PRDM15: variants seen among roughly 807,000 people sequenced by gnomAD.
The protein encoded by PRDM15 is PR domain zinc finger protein 15.
Under a neutral mutation model 128.6 loss-of-function variants are expected in PRDM15, and 64 were observed. The observed-to-expected ratio is 0.50, with a 90% CI of 0.41 to 0.61. PRDM15 has a LOEUF of 0.61. Ranked by LOEUF, PRDM15 falls within the 20% of genes least tolerant of loss-of-function variation. The pLI, the probability that PRDM15 is intolerant of heterozygous loss-of-function variation, is 0.00. For synonymous variants in PRDM15, 615 were observed against 621.8 expected (o/e 0.99, Z 0.16); for missense variants, 1,242 against 1,569.1 (o/e 0.79, Z 3.52).
intron 13 of PRDM15, 57 bp downstream of exon 13, chr21:41,825,903 A>G (rs1050717094): frequency 4.5e-6 from 6 of 1,326,280 alleles, no homozygotes; most frequent in Non-Finnish European, 6.5e-6. Flanking sequence ...TAGAGTCTTA[A>G]CTGAAGAAAA....
rs112840011 is a variant in PRDM15 at position 41,853,791 on chromosome 21, G to A, written c.538+775C>T. ...CACACACACACAGGTATGCACACGC[G>A]CGCACACACACACTGCCCCCAAATC... On this transcript the variant is annotated intron_variant, in intron 5 of 23. Coordinates refer to ENST00000398548, the MANE Select transcript of PRDM15 (RefSeq NM_001040424.3). 4.6e-5 allele frequency among the ~76,000 whole-genome samples: 7 copies of A among 152,200 alleles called. No individual in the cohort carries two copies. The East Asian group carries it at 9.7e-4, about 21-fold the overall frequency.
intron 21 of PRDM15, among the ~76,000 whole-genome samples, chr21:41,805,701 G>A (rs950368722): frequency 9.9e-5 from 15 of 151,526 alleles, no homozygotes; most frequent in East Asian, 2.0e-4. Flanking sequence ...ACTCTCTACC[G>A]TCACCACCAT....
chr21:41,826,433 T>G lies in PRDM15; in HGVS notation c.1535-379A>C, dbSNP rs565614701. Among the ~76,000 whole-genome samples the G allele has an allele frequency of 2.0e-3, 301 of 152,344 alleles. 2 individuals carry two copies. The highest frequency in any genetic ancestry group is 7.1e-3 in the African/African-American group (295 of 41,576). ...CATCTAAAGGCTCAAAGCCAAGTTA[T>G]GATTCTTATAGATAGTGAAATAGGC... On this transcript the variant is annotated intron_variant, in intron 12 of 23. Coordinates refer to ENST00000398548, the MANE Select transcript of PRDM15 (RefSeq NM_001040424.3).
In PRDM15 at chr21:41,821,613, C is replaced by T. The variant is rs1460743457; in HGVS notation, c.1896+290G>A. Among the ~76,000 whole-genome samples, 2 of 152,180 alleles carry T rather than the reference C, an allele frequency of 1.3e-5. No homozygotes were observed. Among genetic ancestry groups the T allele is most frequent in the African/African-American group, 2.4e-5 (1 of 41,448 alleles). On this transcript the variant is annotated intron_variant, in intron 15 of 23. Coordinates refer to ENST00000398548, the MANE Select transcript of PRDM15 (RefSeq NM_001040424.3). This position sits in a 1 kb window ranked among gnomAD's most constrained non-coding sequence, Gnocchi z 5.4. ...GCACAGCCACCTTCTAGGAGGCCGA[C>T]CCCCACACTTCATGTGTGTTCCTGA... is the stretch of plus-strand genomic sequence containing the variant.
intron 12 of PRDM15, among the ~76,000 whole-genome samples, chr21:41,826,554 T>C (rs780752661): frequency 1.3e-5 from 2 of 152,230 alleles, no homozygotes; most frequent in Admixed American, 6.5e-5. Context: ...TTTATGGTTT[T>C]GAGGCATATT....
intron 21 of PRDM15, among the ~76,000 whole-genome samples, chr21:41,809,770 G>A (rs1240154771): frequency 5.9e-5 from 9 of 152,066 alleles, no homozygotes; most frequent in Non-Finnish European, 1.2e-4. Flanking sequence ...CTCTGCCTGC[G>A]TCTGTACAAC....
At chr21:41,802,648 GTAAGGCTCTCA>G (rs2061446385) in intron 23 of PRDM15, 53 bp downstream of exon 23, 1 of 1,332,928 alleles carries the variant, frequency 7.5e-7, no homozygotes, top group Non-Finnish European at 1.1e-6. Context: ...TCACACACAC[GTAAGGCTCTCA>G]TGCTTAGGGA....
At chr21:41,878,931 G>C (rs2064530938) in intron 1 of PRDM15, 1 of 955,546 alleles carries the variant, frequency 1.0e-6, no homozygotes, top group East Asian at 1.2e-4. Flanking sequence ...CCGCGGGCGG[G>C]CGGGGGGCGC....
chr21:41,821,002 C>T lies in PRDM15; in HGVS notation c.2060+65G>A, dbSNP rs1041062853. The T allele has an allele frequency of 6.3e-7, 1 of 1,597,864 alleles. No individual in the cohort carries two copies. The highest frequency in any genetic ancestry group is 8.6e-7 in the Non-Finnish European group (1 of 1,166,054). ...ACAAATGGCTCCTTATAGCATGTGT[C>T]TCTTTGCAAGGAAGCATGTCCCCTC... On this transcript the variant is annotated intron_variant, in intron 16 of 23. Transcript: ENST00000398548. The surrounding 1 kb of genome is among the most constrained non-coding windows in gnomAD (Gnocchi z 5.4).
intron 4 of PRDM15, among the ~76,000 whole-genome samples, chr21:41,856,540 C>T (rs1386420306): frequency 2.0e-5 from 3 of 151,918 alleles, no homozygotes; most frequent in East Asian, 3.9e-4. Context: ...GCTTGGGGTA[C>T]GATACAGAGG....
At position 41,810,139 on chromosome 21, in the gene PRDM15, C is replaced by A. The variant is rs749378182; in HGVS notation, c.2652+15G>T. The stretch of plus-strand genomic sequence containing the variant: ...CCGCTGGCGGGGCACGGAGGGGGCA[C>A]AGCCACCAGCTCACCTCGGGGTGCT... On this transcript the variant is annotated intron_variant, in intron 21 of 23. Transcript: ENST00000398548. This position sits in a 1 kb window ranked among gnomAD's most constrained non-coding sequence, Gnocchi z 6.4. 3.8e-6 allele frequency: 6 copies of A among 1,595,274 alleles called. No homozygotes were observed. In the African/African-American group the frequency reaches 8.0e-5, roughly 21 times the overall value.
At chr21:41,878,676 G>T in intron 1 of PRDM15, 1 of 1,524,476 alleles carries the variant, frequency 6.6e-7, no homozygotes, top group African/African-American at 1.4e-5. Context: ...GGCGCAGGGG[G>T]TCTGGGAGAC....
rs1300817750 is a variant in PRDM15, at chr21:41,821,936, C to T, written c.1863G>A (p.Ser621=). The change falls in exon 15 of 24, where the codon TCG becomes TCA. Residue 621 remains serine (S), a synonymous_variant. Transcript: ENST00000398548. This position sits in a 1 kb window ranked among gnomAD's most constrained non-coding sequence, Gnocchi z 5.4. Reference sequence around the variant, plus strand: ...GCTTGCAGCTGTACTTGTGAGGCTCCGAGTCTGCGCTCTCGTCAGAATTGT... The same window carrying T: ...GCTTGCAGCTGTACTTGTGAGGCTCTGAGTCTGCGCTCTCGTCAGAATTGT... The part of the protein sequence containing the change: ...NDDNSDESAD[S]EPHKYSCKRC... 6 of 1,614,070 alleles carry T rather than the reference C, an allele frequency of 3.7e-6. No individual in the cohort carries two copies. The highest frequency in any genetic ancestry group is 2.2e-5 in the East Asian group (1 of 44,890).
intron 1 of PRDM15, among the ~76,000 whole-genome samples, chr21:41,872,606 C>A (rs952259573): frequency 2.0e-5 from 3 of 152,114 alleles, no homozygotes; most frequent in African/African-American, 7.2e-5. Flanking sequence ...GGATAGTGAT[C>A]AGATCAGGGG....
chr21:41,839,563 C>G, intron 7 of PRDM15, 60 bp downstream of exon 7: 1 of 1,494,986 alleles, frequency 6.7e-7, no homozygotes, highest in South Asian at 1.1e-5. Context: ...CCCGCCAGCC[C>G]TCGGGCGCCA....
rs74992529 is a variant in PRDM15 at position 41,868,687 on chromosome 21, T to C, written c.-9-8315A>G. Among the ~76,000 whole-genome samples, 736 of 106,650 alleles carry C rather than the reference T, an allele frequency of 6.9e-3. 10 individuals carry two copies. Among genetic ancestry groups the C allele is most frequent in the African/African-American group, 0.026 (700 of 27,342 alleles). The allele number at this position is 106,650 out of a possible 152,430, so 70.0% of individuals were successfully genotyped here. ...TGCATCTTTTGCCCATTTTCCTTTTTCTTTTTCTTTTTTTTTTTTTTTTGA... is the reference window on the plus strand; with the variant it reads ...TGCATCTTTTGCCCATTTTCCTTTTCCTTTTTCTTTTTTTTTTTTTTTTGA... On this transcript the variant is annotated intron_variant, in intron 1 of 23. Coordinates refer to ENST00000398548, the MANE Select transcript of PRDM15 (RefSeq NM_001040424.3).
Position 41,857,220 on chromosome 21 carries a change from T to G in PRDM15, c.241A>C (p.Arg81=), listed in dbSNP as rs757526761. 6.2e-7 allele frequency: 1 copy of G among 1,613,802 alleles called. No individual in the cohort carries two copies. Among genetic ancestry groups the G allele is most frequent in the Non-Finnish European group, 8.5e-7 (1 of 1,179,910 alleles). Residue 81 remains arginine, a synonymous_variant, in exon 4 of 24, where the codon AGG becomes CGG. Transcript: ENST00000398548. ...TCCTTTTCCCATTTGGCGACCCTCC[T>G]GGACTCAAAGGGACCGAACTGTGTC... ...KRTQFGPFES[R]RVAKWEKESA... is the part of the protein sequence containing the mutation.
rs2061344911 is a variant in PRDM15 at position 41,798,296 on chromosome 21, T to A, written c.*2944A>T. ...GATGTGACAGGAAATACAGCCAACATCTCCAAACAGTCTTAATGCCTTTCA... is the reference window on the plus strand; with the variant it reads ...GATGTGACAGGAAATACAGCCAACAACTCCAAACAGTCTTAATGCCTTTCA... On this transcript the variant is annotated 3_prime_UTR_variant, in exon 24 of 24. Transcript: ENST00000398548. 1 of 151,986 alleles carries A rather than the reference T, an allele frequency of 6.6e-6. No homozygotes were observed. The highest frequency in any genetic ancestry group is 2.4e-5 in the African/African-American group (1 of 41,348). The allele number at this position is 151,986 out of a possible 1,614,324, so 9.4% of individuals were successfully genotyped here.
chr21:41,879,185 G>A lies in PRDM15; in HGVS notation c.-10+85C>T. ...GGGGGCAGCGGGCCCAGGGCGCGCCGGGGCTCGCGGGGGCAGCGGGTGCGG... is the reference window on the plus strand; with the variant it reads ...GGGGGCAGCGGGCCCAGGGCGCGCCAGGGCTCGCGGGGGCAGCGGGTGCGG... On this transcript the variant is annotated intron_variant, in intron 1 of 23. Coordinates refer to ENST00000398548, the MANE Select transcript of PRDM15 (RefSeq NM_001040424.3). The surrounding 1 kb of genome is among the most constrained non-coding windows in gnomAD (Gnocchi z 5.1). 1 of 808,582 alleles carries A rather than the reference G, an allele frequency of 1.2e-6. No homozygotes were observed. 50.1% of individuals were successfully genotyped at this position (808,582 alleles called of 1,614,324 possible).
Sources: gnomAD v4.1 joint callset for allele counts (sites outside exome capture counted in the v4.1 genomes callset) on GRCh38, gnomAD v4.1.1 for gene constraint, Gnocchi (gnomAD v3.1) non-coding constraint, MANE v1.5 for transcripts, NCBI Gene and HGNC (gene_info 2026-07-23, HGNC 2026-07-21) for gene names.